PRKAG3: variants seen among roughly 807,000 people sequenced by gnomAD.
PRKAG3 encodes the protein protein kinase AMP-activated non-catalytic subunit gamma 3.
PRKAG3 carries 39 observed loss-of-function variants against 56.5 expected under a neutral mutation model. That is an observed-to-expected ratio of 0.69 (90% confidence interval 0.53 to 0.90). The LOEUF is 0.90. PRKAG3 is among the 40% of genes least tolerant of loss of function. PRKAG3 has a pLI of 0.00. For synonymous variants in PRKAG3, 243 were observed against 250.1 expected, an observed-to-expected ratio of 0.97 and a Z score of 0.27; for missense variants, 628 against 627.5, an observed-to-expected ratio of 1.00 and a Z score of -0.01.
At chr2:218,823,991 C>A (rs1943891264) in intron 12 of PRKAG3, 113 bp from the exon 13 acceptor site, 2 of 1,257,472 alleles carry the variant, frequency 1.6e-6, no homozygotes, top group Admixed American at 3.5e-5. Flanking sequence ...GAGAGAGCGT[C>A]TCCTAGAAAC....
At chr2:218,825,819 C>T (rs1943924205) in intron 10 of PRKAG3, among the ~76,000 whole-genome samples, 2 of 148,152 alleles carry the variant, frequency 1.3e-5, no homozygotes, top group African/African-American at 2.5e-5. Flanking sequence ...TACAGTGGCG[C>T]GATCTTGGCT....
exon 13 of PRKAG3, chr2:218,823,500 G>T: frequency 1.9e-6 from 1 of 533,284 alleles, no homozygotes. Flanking sequence ...GGACAAAGTG[G>T]GGACCTGTGA....
At chr2:218,824,314 G>A (rs1943899480) in exon 12 of PRKAG3, 1 of 1,614,138 alleles carries the variant, frequency 6.2e-7, no homozygotes, top group Non-Finnish European at 8.5e-7. Flanking sequence ...CTCTGCCTCA[G>A]GGCTTCTCCC....
At position 218,827,858 on chromosome 2, in the gene PRKAG3, T is replaced by C; in HGVS notation, c.795A>G (p.Glu265=). 6.2e-7 allele frequency: 1 copy of C among 1,614,070 alleles called. No homozygotes were observed. Among genetic ancestry groups the C allele is most frequent in the Non-Finnish European group, 8.5e-7 (1 of 1,179,992 alleles). ...CCCTCCAGGTCTCAATCTTATGTTGTTCAATCTCATAGATCTGGACCTAGA... is the reference window on the plus strand; with the variant it reads ...CCCTCCAGGTCTCAATCTTATGTTGCTCAATCTCATAGATCTGGACCTAGA... The change falls in exon 7 of 13, where the codon GAA becomes GAG. Residue 265 remains glutamate (E), a synonymous_variant. Coordinates refer to ENST00000529249, the Ensembl canonical transcript of PRKAG3. The surrounding 1 kb of genome is among the most constrained non-coding windows in gnomAD (Gnocchi z 5.3).
rs976706276 is a variant in PRKAG3 at position 218,823,574 on chromosome 2, G to C, written c.*188C>G. Reference sequence around the variant, plus strand: ...TGAGCTTGGCCACTCCCATCCTCAGGGTGTCCCAATCTGAGATCCAGGAAA... The same window carrying C: ...TGAGCTTGGCCACTCCCATCCTCAGCGTGTCCCAATCTGAGATCCAGGAAA... On this transcript the variant is annotated 3_prime_UTR_variant, in exon 13 of 13. Coordinates refer to ENST00000529249, the Ensembl canonical transcript of PRKAG3. 1.9e-5 allele frequency: 24 copies of C among 1,276,564 alleles called. No individual in the cohort carries two copies. The African/African-American group carries it at 2.6e-4, about 14-fold the overall frequency. The allele number at this position is 1,276,564 out of a possible 1,614,324, so 79.1% of individuals were successfully genotyped here.
intron 3 of PRKAG3, 95 bp downstream of exon 3, chr2:218,830,651 T>C: frequency 6.9e-7 from 1 of 1,449,820 alleles, no homozygotes; most frequent in Admixed American, 2.0e-5. Flanking sequence ...CAACTCTGTG[T>C]TATGGAGGGA....
At chr2:218,826,008 CT>C (rs1347595460) in intron 10 of PRKAG3, among the ~76,000 whole-genome samples, 1 of 152,114 alleles carries the variant, frequency 6.6e-6, no homozygotes, top group Non-Finnish European at 1.5e-5. Flanking sequence ...ATCCGCCCAC[CT>C]TGGCCTCCCA....
At chr2:218,831,690 C>A in intron 1 of PRKAG3, 48 bp downstream of exon 1, 1 of 1,597,352 alleles carries the variant, frequency 6.3e-7, no homozygotes, top group Non-Finnish European at 8.5e-7. Flanking sequence ...TGCGCTCAAT[C>A]TTCTGGCCTC....
chr2:218,827,392 T>G lies in PRKAG3; in HGVS notation c.876-19A>C. The G allele has an allele frequency of 6.2e-7, 1 of 1,614,020 alleles. No homozygotes were observed. The highest frequency in any genetic ancestry group is 8.5e-7 in the Non-Finnish European group (1 of 1,179,968). On this transcript the variant is annotated intron_variant, in intron 8 of 12. Coordinates refer to ENST00000529249, the Ensembl canonical transcript of PRKAG3. This position sits in a 1 kb window ranked among gnomAD's most constrained non-coding sequence, Gnocchi z 5.3. ...AAACAGGCTGCAGAGATGGGAGCAG[T>G]GAGCCTCGGGGCAGCCTAGGGAGAG...
chr2:218,831,369 A>G, exon 2 of PRKAG3: 2 of 1,603,054 alleles, frequency 1.2e-6, no homozygotes, highest in Non-Finnish European at 1.7e-6. Context: ...CTGCTCCAGG[A>G]AGGGGTCTGT....
Position 218,827,122 on chromosome 2 carries a change from C to T in PRKAG3, c.1003-29G>A. 6.2e-7 allele frequency: 1 copy of T among 1,612,792 alleles called. No homozygotes were observed. Among genetic ancestry groups the T allele is most frequent in the Non-Finnish European group, 8.5e-7 (1 of 1,179,980 alleles). ...GTTAGGATGGGGACCAGGTGGAGAT[C>T]AGGGATCCAGCAGCTTCAAGAGGGC... On this transcript the variant is annotated intron_variant, in intron 9 of 12. Transcript: ENST00000529249. The surrounding 1 kb of genome is among the most constrained non-coding windows in gnomAD (Gnocchi z 5.3).
Position 218,825,306 on chromosome 2 carries a change from A to G in PRKAG3, c.1169-730T>C, listed in dbSNP as rs552421653. On this transcript the variant is annotated intron_variant, in intron 10 of 12. Coordinates refer to ENST00000529249, the Ensembl canonical transcript of PRKAG3. Reference sequence around the variant, plus strand: ...AGCCAAGATTGCACCATTGCATTCTAGCCCAGGCGACAGAGCAAGACTCTG... The same window carrying G: ...AGCCAAGATTGCACCATTGCATTCTGGCCCAGGCGACAGAGCAAGACTCTG... Among the ~76,000 whole-genome samples, 19 of 149,346 alleles carry G rather than the reference A, an allele frequency of 1.3e-4. No individual in the cohort carries two copies. In the East Asian group the frequency reaches 2.7e-3, roughly 22 times the overall value.
rs548972668 is a variant in PRKAG3, at chr2:218,827,979, A to T, written c.774+25T>A. ...TCCGCCCCCGCCCCTCTGGGTGCCC[A>T]TAAGATTCCCAGCCCACTCCTCACC... On this transcript the variant is annotated intron_variant, in intron 6 of 12. Coordinates refer to ENST00000529249, the Ensembl canonical transcript of PRKAG3. This position sits in a 1 kb window ranked among gnomAD's most constrained non-coding sequence, Gnocchi z 5.3. 1 of 1,585,534 alleles carries T rather than the reference A, an allele frequency of 6.3e-7. No individual in the cohort carries two copies. The highest frequency in any genetic ancestry group is 8.6e-7 in the Non-Finnish European group (1 of 1,164,586).
At chr2:218,825,166 C>A (rs1261927419) in intron 10 of PRKAG3, among the ~76,000 whole-genome samples, 2 of 151,966 alleles carry the variant, frequency 1.3e-5, no homozygotes, top group East Asian at 3.9e-4. Flanking sequence ...GAAACCCCAT[C>A]TCTACTAAAG....
chr2:218,824,798 C>T (rs182559532), intron 10 of PRKAG3, among the ~76,000 whole-genome samples: 3 of 152,226 alleles, frequency 2.0e-5, no homozygotes, highest in Admixed American at 6.5e-5. Context: ...AGTCTAGCCT[C>T]GAATTTATTG....
exon 4 of PRKAG3, chr2:218,830,242 G>A: frequency 6.2e-7 from 1 of 1,614,018 alleles, no homozygotes; most frequent in Non-Finnish European, 8.5e-7. Context: ...CTGCAGCTGA[G>A]GCTGTACAGT....
intron 10 of PRKAG3, among the ~76,000 whole-genome samples, chr2:218,825,493 C>A (rs1258365096): frequency 2.6e-5 from 4 of 151,722 alleles, no homozygotes; most frequent in Admixed American, 6.6e-5. Flanking sequence ...AAATACCCCC[C>A]AAAAATTAGC....
chr2:218,831,271 A>T, intron 2 of PRKAG3, 65 bp downstream of exon 2: 1 of 1,304,268 alleles, frequency 7.7e-7, no homozygotes, highest in Non-Finnish European at 1.1e-6. Context: ...TTGGGGTCCC[A>T]GAAAAGTGGG....
intron 10 of PRKAG3, 67 bp downstream of exon 10, chr2:218,826,861 A>C: frequency 6.3e-7 from 1 of 1,592,280 alleles, no homozygotes; most frequent in Non-Finnish European, 8.6e-7. Context: ...TGCCCTTCCC[A>C]TATTCTCCCC....
Sources: gnomAD v4.1 joint callset for allele counts (sites outside exome capture counted in the v4.1 genomes callset) on GRCh38, gnomAD v4.1.1 for gene constraint, Gnocchi (gnomAD v3.1) non-coding constraint, MANE v1.5 for transcripts, NCBI Gene and HGNC (gene_info 2026-07-23, HGNC 2026-07-21) for gene names.